ROR1: variants seen among roughly 807,000 people sequenced by gnomAD.
The protein encoded by ROR1 is inactive tyrosine-protein kinase transmembrane receptor ROR1.
ROR1 carries 19 observed loss-of-function variants against 78.8 expected under a neutral mutation model. That is an observed-to-expected ratio of 0.24 (90% CI 0.17 to 0.35). The LOEUF (loss-of-function observed/expected upper bound fraction) is 0.35, where lower values mean the gene tolerates loss of function less well. Among genes scored for constraint, ROR1 ranks in the 10% least tolerant of loss-of-function variants. ROR1 has a pLI of 1.00. For synonymous variants in ROR1, 386 were observed against 433.6 expected (o/e 0.89, Z 1.36); for missense variants, 917 against 1,177.8 (o/e 0.78, Z 3.24).
intron 4 of ROR1, among the ~76,000 whole-genome samples, chr1:64,059,725 A>G (rs1054734943): frequency 5.3e-5 from 8 of 151,534 alleles, no homozygotes; most frequent in South Asian, 2.1e-4. Context: ...AAAAAAAAAA[A>G]AGAGATGTCT....
At chr1:64,009,176 A>T (rs957109672) in intron 1 of ROR1, 129 bp from the exon 2 acceptor site, 3 of 709,464 alleles carry the variant, frequency 4.2e-6, no homozygotes, top group Non-Finnish European at 7.6e-6. Flanking sequence ...CTAATAAGCT[A>T]TGGGATTGCC....
chr1:63,828,104 GA>G (rs972403076), intron 1 of ROR1, among the ~76,000 whole-genome samples: 3 of 151,994 alleles, frequency 2.0e-5, no homozygotes, highest in African/African-American at 7.2e-5. Flanking sequence ...GTACAAAAGA[GA>G]AAAAAAATTC....
At chr1:64,147,425 C>T (rs1261432954) in intron 7 of ROR1, among the ~76,000 whole-genome samples, 1 of 151,990 alleles carries the variant, frequency 6.6e-6, no homozygotes, top group Non-Finnish European at 1.5e-5. Flanking sequence ...TTCTTCAAGC[C>T]AAGCCACGAA....
intron 1 of ROR1, among the ~76,000 whole-genome samples, chr1:63,951,509 G>A (rs945414314): frequency 3.9e-5 from 6 of 152,182 alleles, no homozygotes; most frequent in Non-Finnish European, 5.9e-5. Flanking sequence ...TTTGAACGGA[G>A]GCCTGGCTGG....
chr1:63,999,725 C>G (rs908849614), intron 1 of ROR1, among the ~76,000 whole-genome samples: 5 of 152,076 alleles, frequency 3.3e-5, no homozygotes, highest in African/African-American at 1.2e-4. Flanking sequence ...AATGAACAAA[C>G]AAATGAATTT....
At chr1:63,900,337 C>A (rs1569880819) in intron 1 of ROR1, among the ~76,000 whole-genome samples, 1 of 151,112 alleles carries the variant, frequency 6.6e-6, no homozygotes, top group Non-Finnish European at 1.5e-5. Context: ...ACCTGTAGTC[C>A]CAGCTACTTG....
intron 1 of ROR1, among the ~76,000 whole-genome samples, chr1:63,921,627 G>A (rs1645655307): frequency 7.5e-6 from 1 of 132,636 alleles, no homozygotes; most frequent in Non-Finnish European, 1.6e-5. Flanking sequence ...AAGGAAGAAT[G>A]TACGCTATCC....
chr1:63,891,679 C>T (rs907852830), intron 1 of ROR1, among the ~76,000 whole-genome samples: 3 of 152,108 alleles, frequency 2.0e-5, no homozygotes, highest in Non-Finnish European at 4.4e-5. Context: ...ATCCAATCTG[C>T]AGAGGGCCCG....
chr1:63,937,277 CCT>C (rs1157437069), intron 1 of ROR1, among the ~76,000 whole-genome samples: 1 of 152,198 alleles, frequency 6.6e-6, no homozygotes, highest in African/African-American at 2.4e-5. Flanking sequence ...CCTGGGCCGT[CCT>C]TTTACTGCCA....
At chr1:64,003,764 C>T (rs1646406434) in intron 1 of ROR1, among the ~76,000 whole-genome samples, 1 of 152,130 alleles carries the variant, frequency 6.6e-6, no homozygotes, top group Admixed American at 6.5e-5. Flanking sequence ...CAAACAGGCG[C>T]CTTTGGTTGA....
chr1:64,150,686 C>G (rs775105108), intron 7 of ROR1, among the ~76,000 whole-genome samples: 2 of 152,274 alleles, frequency 1.3e-5, no homozygotes, highest in Admixed American at 6.5e-5. Flanking sequence ...TTGAAGCTTT[C>G]TGGAAGAGTT....
chr1:63,865,547 A>C (rs2100351659), intron 1 of ROR1, among the ~76,000 whole-genome samples: 1 of 152,270 alleles, frequency 6.6e-6, no homozygotes, highest in South Asian at 2.1e-4. Flanking sequence ...AATTTTGTGG[A>C]GTCCTTTTTT....
chr1:63,833,987 CTTCT>C (rs1341496418), intron 1 of ROR1, among the ~76,000 whole-genome samples: 7 of 138,704 alleles, frequency 5.0e-5, no homozygotes, highest in African/African-American at 8.0e-5. Flanking sequence ...TTTTCTTCTT[CTTCT>C]TTTTTTTTTT....
intron 1 of ROR1, among the ~76,000 whole-genome samples, chr1:63,840,400 C>T (rs898806374): frequency 6.6e-6 from 1 of 151,774 alleles, no homozygotes; most frequent in Non-Finnish European, 1.5e-5. Context: ...CTGCCTCAGC[C>T]TCCTGAGTAG....
rs932715045 is a variant in ROR1 at position 64,165,448 on chromosome 1, G to A, written c.1386+6256G>A. On this transcript the variant is annotated intron_variant, in intron 8 of 8. Coordinates refer to ENST00000371079, the MANE Select transcript of ROR1 (RefSeq NM_005012.4). The stretch of plus-strand genomic sequence containing the variant: ...GGGTTGTTTTTCTTTAAATTCCTTA[G>A]AAATGCTGGATATAAGACTTTCACC... Among the ~76,000 whole-genome samples the A allele has an allele frequency of 3.9e-5, 6 of 151,932 alleles. No homozygotes were observed. In the East Asian group the frequency reaches 9.7e-4, roughly 24 times the overall value.
chr1:64,169,023 A>T (rs892643119), intron 8 of ROR1, among the ~76,000 whole-genome samples: 1 of 152,258 alleles, frequency 6.6e-6, no homozygotes, highest in Non-Finnish European at 1.5e-5. Flanking sequence ...TCTGTGCTTT[A>T]ACAAGTGGCA....
At chr1:64,057,641 C>T (rs75473605) in intron 4 of ROR1, among the ~76,000 whole-genome samples, 3,314 of 152,134 alleles carry the variant, frequency 0.022, 77 homozygotes, top group African/African-American at 0.063. Flanking sequence ...TTGAGGATGA[C>T]CTCCTACAAC....
At chr1:64,119,227 T>C (rs966053464) in intron 4 of ROR1, among the ~76,000 whole-genome samples, 7 of 152,216 alleles carry the variant, frequency 4.6e-5, no homozygotes, top group Admixed American at 4.6e-4. Context: ...CCCCTTTTAC[T>C]GCCTTTTTCA....
At chr1:64,175,670 G>A (rs1016564186) in intron 8 of ROR1, among the ~76,000 whole-genome samples, 1 of 152,150 alleles carries the variant, frequency 6.6e-6, no homozygotes, top group African/African-American at 2.4e-5. Context: ...AATAATTAAT[G>A]TTCCAAAATC....
Sources: gnomAD v4.1 joint callset for allele counts (sites outside exome capture counted in the v4.1 genomes callset) on GRCh38, gnomAD v4.1.1 for gene constraint, MANE v1.5 for transcripts, NCBI Gene and HGNC (gene_info 2026-07-23, HGNC 2026-07-21) for gene names.